The following COBL variants were observed in gnomAD, a reference collection of about 807,000 sequenced individuals.
COBL encodes the protein cordon-bleu WH2 repeat protein.
In COBL, 51 loss-of-function variants were observed where a neutral mutation model predicts 98.8. That is an observed-to-expected ratio of 0.52 (90% CI 0.41 to 0.65). The LOEUF (loss-of-function observed/expected upper bound fraction) is 0.65, where lower values mean the gene tolerates loss of function less well. COBL is among the 30% of genes least tolerant of loss of function. COBL has a pLI of 0.00. For synonymous variants in COBL, 634 were observed against 651.7 expected (o/e 0.97, Z 0.41); for missense variants, 1,617 against 1,617.5 (o/e 1.00, Z 0.01).
chr7:51,161,533 C>T (rs1017186873), intron 5 of COBL, among the ~76,000 whole-genome samples: 7 of 152,162 alleles, frequency 4.6e-5, no homozygotes, highest in African/African-American at 1.7e-4. Flanking sequence ...ATGTAAGCTC[C>T]GTCCATCTGT....
At chr7:51,089,868 C>A (rs1369578949) in intron 6 of COBL, among the ~76,000 whole-genome samples, 2 of 151,890 alleles carry the variant, frequency 1.3e-5, no homozygotes, top group Non-Finnish European at 2.9e-5. Context: ...TTAAAATCAA[C>A]CCTCTTAGCA....
intron 1 of COBL, among the ~76,000 whole-genome samples, chr7:51,253,255 C>T (rs1230058227): frequency 6.6e-6 from 1 of 152,196 alleles, no homozygotes; most frequent in South Asian, 2.1e-4. Flanking sequence ...TGCATTATTT[C>T]TTCTGAATTT....
At chr7:51,149,689 C>A (rs990872996) in intron 5 of COBL, among the ~76,000 whole-genome samples, 1 of 152,192 alleles carries the variant, frequency 6.6e-6, no homozygotes, top group Non-Finnish European at 1.5e-5. Flanking sequence ...TCACTGCTAC[C>A]TCCTCCTCCC....
intron 5 of COBL, among the ~76,000 whole-genome samples, chr7:51,168,903 T>C (rs1787590408): frequency 6.6e-6 from 1 of 152,172 alleles, no homozygotes; most frequent in African/African-American, 2.4e-5. Flanking sequence ...GTGGTACATA[T>C]TGTAAACCAA....
chr7:51,033,180 A>G (rs1234292268), intron 8 of COBL: 1 of 152,222 alleles, frequency 6.6e-6, no homozygotes, highest in East Asian at 1.9e-4. Context: ...GATGAATCTG[A>G]CAGACCCACA....
At chr7:51,272,071 T>G (rs545257519) in intron 1 of COBL, among the ~76,000 whole-genome samples, 22 of 152,310 alleles carry the variant, frequency 1.4e-4, no homozygotes, top group Non-Finnish European at 2.5e-4. Flanking sequence ...CAATGAATTC[T>G]GGACATGGCC....
chr7:51,028,363 T>C lies in COBL; in HGVS notation c.2733A>G (p.Lys911=), dbSNP rs1331274901. Residue 911 remains lysine (K), a synonymous_variant, in exon 10 of 13, where the codon AAA becomes AAG. Coordinates refer to ENST00000265136, the MANE Select transcript of COBL (RefSeq NM_015198.5). ...PVLAAPPVTV[K]DDRTSSPHSE... ...AGTGTGGGCTGGATGTCCTGTCATC[T>C]TTCACAGTGACAGGTGGTGCAGCCA... 1.9e-6 allele frequency: 3 copies of C among 1,614,158 alleles called. No individual in the cohort carries two copies. The African/African-American group carries it at 4.0e-5, about 22-fold the overall frequency.
intron 5 of COBL, among the ~76,000 whole-genome samples, chr7:51,176,644 T>C (rs1788409207): frequency 6.6e-6 from 1 of 152,232 alleles, no homozygotes; most frequent in Non-Finnish European, 1.5e-5. Context: ...ATTTGCTACC[T>C]TGTTAAATTT....
intron 7 of COBL, among the ~76,000 whole-genome samples, chr7:51,048,773 A>G (rs1309544979): frequency 6.6e-6 from 1 of 152,212 alleles, no homozygotes; most frequent in Non-Finnish European, 1.5e-5. Context: ...GAAAACAGCC[A>G]ACCAAAATTA....
chr7:51,273,798 T>C (rs1799015717), intron 1 of COBL, among the ~76,000 whole-genome samples: 1 of 152,218 alleles, frequency 6.6e-6, no homozygotes, highest in Admixed American at 6.5e-5. Flanking sequence ...TTAAATACAA[T>C]TCCCAAAATA....
intron 1 of COBL, among the ~76,000 whole-genome samples, chr7:51,286,185 G>A (rs545412203): frequency 1.3e-5 from 2 of 151,588 alleles, no homozygotes; most frequent in African/African-American, 2.4e-5. Flanking sequence ...TCATGGCCTG[G>A]GTTAGGCAAG....
intron 2 of COBL, among the ~76,000 whole-genome samples, chr7:51,207,989 G>A (rs1304079332): frequency 7.9e-5 from 11 of 139,970 alleles, no homozygotes; most frequent in Admixed American, 2.2e-4. Flanking sequence ...AGTGAGGAGA[G>A]CCTCTTCCCG....
intron 1 of COBL, among the ~76,000 whole-genome samples, chr7:51,246,895 T>C (rs955731487): frequency 1.3e-5 from 2 of 151,966 alleles, no homozygotes; most frequent in African/African-American, 4.8e-5. Context: ...AAAATCAGAG[T>C]GTGTTCCCAA....
At chr7:51,207,135 A>G (rs1791811973) in intron 2 of COBL, among the ~76,000 whole-genome samples, 1 of 152,220 alleles carries the variant, frequency 6.6e-6, no homozygotes, top group South Asian at 2.1e-4. Flanking sequence ...CCTTCAGTAT[A>G]TACCATTTCT....
Position 51,041,261 on chromosome 7 carries a change from G to A in COBL, c.1406+2122C>T, listed in dbSNP as rs192440020. 3.5e-3 allele frequency among the ~76,000 whole-genome samples: 527 copies of A among 152,218 alleles called. 1 individual carries two copies. Among genetic ancestry groups the A allele is most frequent in the Non-Finnish European group, 5.8e-3 (396 of 68,010 alleles). ...GCTATACTTTAACATTATTAGGGAT[G>A]TGTATAACAACATGGGGAAGTGCTC... is the stretch of plus-strand genomic sequence containing the variant. On this transcript the variant is annotated intron_variant, in intron 8 of 12. Coordinates refer to ENST00000265136, the MANE Select transcript of COBL (RefSeq NM_015198.5).
At position 51,029,512 on chromosome 7, in the gene COBL, A is replaced by T; in HGVS notation, c.1584T>A (p.Asp528Glu). The change falls in exon 10 of 13, where the codon GAT (aspartate) becomes GAA (glutamate). Residue 528 changes from aspartate to glutamate, a missense_variant. Asp to Glu is a conservative substitution (Grantham distance 45). This residue lies in a region of COBL where 1,304 missense variants were observed against 1,282.0 expected (regional missense o/e 1.02). Coordinates refer to ENST00000265136, the MANE Select transcript of COBL (RefSeq NM_015198.5). ...CTGTGTCGCCGTGAGGGATCATGGC[A>T]TCCTGTGGGCAGTGGTTGGATGCAC... ...IHGASNHCPQDAMIPHGDTDA... is the reference protein window; with the variant it reads ...IHGASNHCPQEAMIPHGDTDA... 6.2e-7 allele frequency: 1 copy of T among 1,614,086 alleles called. No individual in the cohort carries two copies. Among genetic ancestry groups the T allele is most frequent in the East Asian group, 2.2e-5 (1 of 44,878 alleles).
intron 2 of COBL, among the ~76,000 whole-genome samples, chr7:51,214,735 T>C (rs1049861196): frequency 1.3e-5 from 2 of 152,224 alleles, no homozygotes; most frequent in Admixed American, 1.3e-4. Context: ...ATGTCAATTT[T>C]GTATGCTACT....
intron 1 of COBL, among the ~76,000 whole-genome samples, chr7:51,274,073 A>C (rs2129167980): frequency 6.6e-6 from 1 of 152,202 alleles, no homozygotes; most frequent in Admixed American, 6.5e-5. Context: ...CCATGCTCAC[A>C]GTTCCCCCCA....
At chr7:51,245,408 G>A (rs1796202419) in intron 1 of COBL, among the ~76,000 whole-genome samples, 1 of 152,080 alleles carries the variant, frequency 6.6e-6, no homozygotes, top group African/African-American at 2.4e-5. Context: ...TTCCAATTCT[G>A]CGGTACTAAA....
Sources: allele counts gnomAD v4.1 joint callset (sites outside exome capture counted in the v4.1 genomes callset), GRCh38; gene constraint gnomAD v4.1.1; regional missense constraint gnomAD v4.1.1; transcripts MANE v1.5; gene names NCBI Gene and HGNC (gene_info 2026-07-23, HGNC 2026-07-21).